Variants in SYNJ1 observed in about 807,000 individuals in gnomAD.
SYNJ1 encodes the protein polyphosphatidylinositol phosphatase SYNJ1.
A neutral mutation model predicts 168.2 loss-of-function variants in SYNJ1; 78 were observed. The ratio of observed to expected loss-of-function variants is 0.46; its 90% CI spans 0.39 to 0.56. The LOEUF is 0.56. Ranked by LOEUF, SYNJ1 falls within the 20% of genes least tolerant of loss-of-function variation. SYNJ1 has a pLI of 0.00. For missense variants in SYNJ1, 1,303 were observed against 1,597.6 expected (o/e 0.82, Z 3.14); for synonymous variants, 539 against 548.6 (o/e 0.98, Z 0.24).
intron 23 of SYNJ1, among the ~76,000 whole-genome samples, chr21:32,648,907 C>A (rs1216568406): frequency 6.6e-6 from 1 of 152,148 alleles, no homozygotes; most frequent in Non-Finnish European, 1.5e-5. Flanking sequence ...TCATTTACTC[C>A]CTCACAAACA....
intron 10 of SYNJ1, among the ~76,000 whole-genome samples, chr21:32,683,689 C>T (rs2041712408): frequency 6.6e-6 from 1 of 151,788 alleles, no homozygotes. Context: ...AAAGACAACA[C>T]AGAGAATAAA....
chr21:32,662,122 T>G (rs61688958), intron 18 of SYNJ1, among the ~76,000 whole-genome samples: 27,108 of 151,940 alleles, frequency 0.18, 2,971 homozygotes, highest in East Asian at 0.35. Flanking sequence ...TGCTGAAACT[T>G]GGGAGGCAAA....
chr21:32,660,453 G>A (rs1194652692), intron 18 of SYNJ1, among the ~76,000 whole-genome samples: 3 of 152,216 alleles, frequency 2.0e-5, no homozygotes, highest in African/African-American at 7.2e-5. Flanking sequence ...CAGTATCAGA[G>A]AGCCTGGTCA....
rs950525154 is a variant in SYNJ1, at chr21:32,630,880, G to C, written c.*925C>G. On this transcript the variant is annotated 3_prime_UTR_variant, in exon 33 of 33. Transcript: ENST00000674351. The stretch of plus-strand genomic sequence containing the variant: ...TGTACACATCAAATAGTGGTGTTTT[G>C]TGAAGATATCAGTGCACTTACAATG... 35 of 1,003,922 alleles carry C rather than the reference G, an allele frequency of 3.5e-5. No individual in the cohort carries two copies. Among genetic ancestry groups the C allele is most frequent in the Non-Finnish European group, 4.8e-5 (33 of 693,536 alleles). The allele number at this position is 1,003,922 out of a possible 1,614,324, so 62.2% of individuals were successfully genotyped here. A position where few individuals can be genotyped will look rare whatever the true frequency, so the allele number is the denominator to read the frequency against.
intron 23 of SYNJ1, 51 bp downstream of exon 23, chr21:32,650,133 G>T: frequency 1.3e-6 from 2 of 1,538,594 alleles, no homozygotes; most frequent in Non-Finnish European, 1.7e-6. Context: ...TTACAGATTG[G>T]AAGAAAACAT....
intron 23 of SYNJ1, among the ~76,000 whole-genome samples, chr21:32,647,259 C>T (rs1422072624): frequency 2.0e-5 from 3 of 152,230 alleles, no homozygotes; most frequent in Non-Finnish European, 2.9e-5. Context: ...GTAACATCCT[C>T]TACCCCCACT....
intron 29 of SYNJ1, 79 bp from the exon 30 acceptor site, chr21:32,639,858 A>T: frequency 3.3e-6 from 4 of 1,227,230 alleles, no homozygotes; most frequent in Non-Finnish European, 4.7e-6. Flanking sequence ...TTGCTTTTGC[A>T]TCTCATTTAC....
chr21:32,655,973 C>A (rs943760133), intron 21 of SYNJ1, among the ~76,000 whole-genome samples: 4 of 152,132 alleles, frequency 2.6e-5, no homozygotes, highest in Non-Finnish European at 5.9e-5. Flanking sequence ...ACTCAAATTT[C>A]TTTAACTGAG....
At chr21:32,689,453 C>T (rs1347219117) in intron 6 of SYNJ1, among the ~76,000 whole-genome samples, 4 of 152,142 alleles carry the variant, frequency 2.6e-5, no homozygotes, top group African/African-American at 9.7e-5. Context: ...CCCGCCACCA[C>T]GCCCAGCTAA....
chr21:32,645,829 T>G (rs1350208781), intron 24 of SYNJ1, 40 bp from the exon 25 acceptor site: 2 of 1,514,906 alleles, frequency 1.3e-6, no homozygotes, highest in Admixed American at 4.2e-5. Flanking sequence ...AGCTTCTAAG[T>G]AGCTGTTGAC....
In SYNJ1 at chr21:32,645,685, T is replaced by C. The variant is rs1189796802; in HGVS notation, c.3352A>G (p.Thr1118Ala). Residue 1118 changes from threonine (T) to alanine (A), a missense_variant, in exon 25 of 33, where the codon ACA becomes GCA. Around this residue, in one of 2 missense-constraint regions of SYNJ1, gnomAD observed 383 missense variants for 388.8 expected, o/e 0.99. Coordinates refer to ENST00000674351, the MANE Select transcript of SYNJ1 (RefSeq NM_203446.3). ...GGTCTCTGTGGGGGAGCCGGGCGTGTGGGAGGGGCGACCGGGCGGGGCGGC... is the reference window on the plus strand; with the variant it reads ...GGTCTCTGTGGGGGAGCCGGGCGTGCGGGAGGGGCGACCGGGCGGGGCGGC... ...PPPPRPVAPP[T>A]RPAPPQRPPP... 3.3e-6 allele frequency: 5 copies of C among 1,506,724 alleles called. No individual in the cohort carries two copies. The South Asian group carries it at 5.4e-5, about 16-fold the overall frequency. The allele number at this position is 1,506,724 out of a possible 1,614,324, so 93.3% of individuals were successfully genotyped here.
At chr21:32,638,314 C>T (rs10446070) in intron 31 of SYNJ1, among the ~76,000 whole-genome samples, 13,218 of 152,250 alleles carry the variant, frequency 0.087, 631 homozygotes, top group Non-Finnish European at 0.1. Context: ...GATCTGCCCA[C>T]CTCAGCCTTC....
chr21:32,697,129 T>A (rs1258826245), intron 4 of SYNJ1, among the ~76,000 whole-genome samples: 1 of 152,232 alleles, frequency 6.6e-6, no homozygotes, highest in Non-Finnish European at 1.5e-5. Context: ...TTCTTTGCTG[T>A]CAGTGTGTCA....
chr21:32,672,059 C>CAAAAAAAAAAAAAAAAAAAA (rs1160074724), intron 14 of SYNJ1, among the ~76,000 whole-genome samples: 12 of 24,642 alleles, frequency 4.9e-4, no homozygotes, highest in Middle Eastern at 0.045. Context: ...AACTCAATCT[C>CAAAAAAAAAAAAAAAAAAAA]AAAAAAAAAA....
chr21:32,707,440 A>C (rs2042654533), intron 2 of SYNJ1, among the ~76,000 whole-genome samples: 2 of 151,614 alleles, frequency 1.3e-5, no homozygotes, highest in South Asian at 4.2e-4. Context: ...ACAGGCACTA[A>C]TACTACAGGA....
chr21:32,645,469 A>G (rs1164035942), intron 25 of SYNJ1, among the ~76,000 whole-genome samples, 177 bp downstream of exon 25: 1 of 152,226 alleles, frequency 6.6e-6, no homozygotes, highest in African/African-American at 2.4e-5. Flanking sequence ...TCTACTCTGC[A>G]AACACTCTAC....
chr21:32,707,704 A>C (rs1271970646), intron 2 of SYNJ1, among the ~76,000 whole-genome samples: 35 of 152,184 alleles, frequency 2.3e-4, no homozygotes, highest in Admixed American at 2.3e-3. Flanking sequence ...GCAATTGCTG[A>C]TTAAATGTTC....
intron 7 of SYNJ1, 35 bp from the exon 8 acceptor site, chr21:32,687,109 A>T: frequency 8.8e-7 from 1 of 1,138,342 alleles, no homozygotes; most frequent in South Asian, 1.7e-5. Context: ...ATACATGTCA[A>T]ATAAGAAGCC....
At position 32,631,490 on chromosome 21, in the gene SYNJ1, C is replaced by T. The variant is rs145347648; in HGVS notation, c.*315G>A. ...TAAATGGGTTTCCAGGAGCAGCAGT[C>T]CTGTCACTGAAAGGATTTGTCCTGG... On this transcript the variant is annotated 3_prime_UTR_variant, in exon 33 of 33. Coordinates refer to ENST00000674351, the MANE Select transcript of SYNJ1 (RefSeq NM_203446.3). The T allele has an allele frequency of 3.9e-4, 630 of 1,614,076 alleles. 2 individuals carry two copies. The African/African-American group carries it at 7.7e-3, about 20-fold the overall frequency.
Sources: allele counts gnomAD v4.1 joint callset (sites outside exome capture counted in the v4.1 genomes callset), GRCh38; gene constraint gnomAD v4.1.1; regional missense constraint gnomAD v4.1.1; transcripts MANE v1.5; gene names NCBI Gene and HGNC (gene_info 2026-07-23, HGNC 2026-07-21).